Variants in ELOVL6 observed in about 807,000 individuals in gnomAD.
The protein encoded by ELOVL6 is very long chain fatty acid elongase 6.
A neutral mutation model predicts 31.7 loss-of-function variants in ELOVL6; 8 were observed. That is an observed-to-expected ratio of 0.25 (90% CI 0.15 to 0.45). The LOEUF (loss-of-function observed/expected upper bound fraction) is 0.45, where lower values mean the gene tolerates loss of function less well. Ranked by LOEUF, ELOVL6 falls within the 20% of genes least tolerant of loss-of-function variation. ELOVL6 has a pLI of 1.00. For synonymous variants in ELOVL6, 101 were observed against 117.7 expected, an observed-to-expected ratio of 0.86 and a Z score of 0.92; for missense variants, 126 against 326.4, an observed-to-expected ratio of 0.39 and a Z score of 4.73.
chr4:110,077,523 T>A (rs570365026), intron 2 of ELOVL6, among the ~76,000 whole-genome samples: 60 of 152,288 alleles, frequency 3.9e-4, no homozygotes, highest in African/African-American at 1.4e-3. Context: ...CCTGCAGCTG[T>A]GGGTCCTGAC....
chr4:110,073,402 T>G (rs1162427537), intron 2 of ELOVL6, among the ~76,000 whole-genome samples: 3 of 152,172 alleles, frequency 2.0e-5, no homozygotes, highest in African/African-American at 4.8e-5. Flanking sequence ...GGAAAAAGTC[T>G]GAAAGTGGGT....
At chr4:110,088,373 C>G (rs959607150) in intron 2 of ELOVL6, among the ~76,000 whole-genome samples, 2 of 152,202 alleles carry the variant, frequency 1.3e-5, no homozygotes, top group Non-Finnish European at 2.9e-5. Flanking sequence ...TTCCAAGACC[C>G]CTGGAGGATG....
chr4:110,170,898 G>A (rs1758922841), intron 1 of ELOVL6, among the ~76,000 whole-genome samples: 1 of 152,080 alleles, frequency 6.6e-6, no homozygotes, highest in Non-Finnish European at 1.5e-5. Context: ...CCCAGAAAAA[G>A]GCCTCAAAAA....
chr4:110,192,284 T>G (rs563927391), intron 1 of ELOVL6, among the ~76,000 whole-genome samples: 1 of 152,138 alleles, frequency 6.6e-6, no homozygotes, highest in Non-Finnish European at 1.5e-5. Context: ...ATGGAATAAG[T>G]TGACTTTGAA....
intron 1 of ELOVL6, among the ~76,000 whole-genome samples, chr4:110,174,792 C>T (rs1289568439): frequency 1.3e-5 from 2 of 152,064 alleles, no homozygotes; most frequent in African/African-American, 4.8e-5. Context: ...TTTACTTTTG[C>T]TTCAAAGTTG....
At chr4:110,114,860 T>C (rs1324333814) in intron 1 of ELOVL6, among the ~76,000 whole-genome samples, 2 of 152,168 alleles carry the variant, frequency 1.3e-5, no homozygotes, top group African/African-American at 4.8e-5. Flanking sequence ...TTCCTAGATT[T>C]AAATCAAAAC....
intron 2 of ELOVL6, among the ~76,000 whole-genome samples, chr4:110,090,594 G>A (rs2126239234): frequency 1.1e-5 from 1 of 92,144 alleles, no homozygotes; most frequent in South Asian, 3.1e-4. Flanking sequence ...AGGAAAGTTT[G>A]ACTTTCTTTT....
chr4:110,117,903 A>AAAAAATATATATAT, intron 1 of ELOVL6: 1 of 6,502 alleles, frequency 1.5e-4, no homozygotes, highest in African/African-American at 3.3e-4. Context: ...AAAAAAAAAA[A>AAAAAATATATATAT]ATATATATAT....
Position 110,103,649 on chromosome 4 carries a change from G to A in ELOVL6, c.221+1848C>T, listed in dbSNP as rs143107979. Among the ~76,000 whole-genome samples the A allele has an allele frequency of 7.8e-3, 1,188 of 152,236 alleles. 5 individuals carry two copies. The highest frequency in any genetic ancestry group is 0.013 in the Non-Finnish European group (875 of 68,010). ...ATCTAACTACAACTTATAAGAAATAGAAGGTACAGAAAAATGCAATCAAGC... is the reference window on the plus strand; with the variant it reads ...ATCTAACTACAACTTATAAGAAATAAAAGGTACAGAAAAATGCAATCAAGC... On this transcript the variant is annotated intron_variant, in intron 2 of 3. Transcript: ENST00000302274.
chr4:110,059,653 AC>A lies in ELOVL6; in HGVS notation c.322del (p.Val108SerfsTer11). Reference protein sequence around the residue: ...VCDQGFYNGPVSKFWAYAFVL... With the variant: ...VCDQGFYNGPXSKFWAYAFVL... ...AAATGCATAAGCCCAGAATTTGCTG[AC>A]AGGTCCATTGTAAAAACCCTGGTCA... On this transcript the variant is annotated frameshift_variant, in exon 3 of 4. Transcript: ENST00000302274. LOFTEE classifies it high-confidence loss of function. The A allele has an allele frequency of 6.2e-7, 1 of 1,614,176 alleles. No homozygotes were observed. Among genetic ancestry groups the A allele is most frequent in the Non-Finnish European group, 8.5e-7 (1 of 1,180,006 alleles).
At chr4:110,197,145 C>T (rs543085382) in intron 1 of ELOVL6, among the ~76,000 whole-genome samples, 6 of 152,182 alleles carry the variant, frequency 3.9e-5, no homozygotes, top group Non-Finnish European at 5.9e-5. Context: ...TGCGGCCCGA[C>T]CCTCCCCGGT....
chr4:110,094,421 ATATATATATATATATATATATAAT>A lies in ELOVL6; in HGVS notation c.221+11052_221+11075del, dbSNP rs1370093330. Among the ~76,000 whole-genome samples, 72 of 56,064 alleles carry A rather than the reference ATATATATATATATATATATATAAT, an allele frequency of 1.3e-3. 2 individuals carry two copies. The highest frequency in any genetic ancestry group is 7.3e-3 in the South Asian group (9 of 1,234). 36.8% of individuals were successfully genotyped at this position (56,064 alleles called of 152,430 possible). A position where few individuals can be genotyped will look rare whatever the true frequency, so the allele number is the denominator to read the frequency against. On this transcript the variant is annotated intron_variant, in intron 2 of 3. Transcript: ENST00000302274. ...TAAAAAGAAATATATATATATATAT[ATATATATATATATATATATATAAT>A]ATATATAACATAATATATATTACAT...
At chr4:110,171,967 T>G (rs947960258) in intron 1 of ELOVL6, among the ~76,000 whole-genome samples, 1 of 152,116 alleles carries the variant, frequency 6.6e-6, no homozygotes, top group African/African-American at 2.4e-5. Context: ...GAGATTTCAG[T>G]TGTGAGCTAC....
intron 1 of ELOVL6, among the ~76,000 whole-genome samples, chr4:110,137,686 C>A (rs545980412): frequency 2.0e-5 from 3 of 152,102 alleles, no homozygotes; most frequent in East Asian, 3.9e-4. Context: ...AATGATAGGA[C>A]CATAAATGTG....
In ELOVL6 at chr4:110,120,928, G is replaced by A. The variant is rs781301859; in HGVS notation, c.90-15300C>T. On this transcript the variant is annotated intron_variant, in intron 1 of 3. Coordinates refer to ENST00000302274, the MANE Select transcript of ELOVL6 (RefSeq NM_024090.3). ...CGATTCTCCTGGCTTAGCCTCCCAA[G>A]TAGCTGGGATTACAGGCGCCTGCCA... Among the ~76,000 whole-genome samples the A allele has an allele frequency of 7.0e-4, 106 of 150,924 alleles. No individual in the cohort carries two copies. In the Middle Eastern group the frequency reaches 0.014, roughly 20 times the overall value.
intron 1 of ELOVL6, among the ~76,000 whole-genome samples, chr4:110,192,251 A>C: frequency 6.6e-6 from 1 of 152,116 alleles, no homozygotes; most frequent in East Asian, 1.9e-4. Context: ...CTTTCAAGGA[A>C]GTATATAAGG....
intron 2 of ELOVL6, among the ~76,000 whole-genome samples, chr4:110,084,814 C>T (rs10023766): frequency 0.01 from 1,565 of 151,074 alleles, 28 homozygotes; most frequent in African/African-American, 0.035. Context: ...ACGCTGGTCT[C>T]GAACTCTTGA....
chr4:110,110,715 T>A lies in ELOVL6; in HGVS notation c.90-5087A>T, dbSNP rs1025411954. Among the ~76,000 whole-genome samples the A allele has an allele frequency of 2.6e-5, 4 of 152,132 alleles. No homozygotes were observed. In the East Asian group the frequency reaches 7.7e-4, roughly 29 times the overall value. On this transcript the variant is annotated intron_variant, in intron 1 of 3. Transcript: ENST00000302274. ...CTGGCCAGGAGGTTTTATTCGTAAG[T>A]AAATTAACCATATGCCCAGAAATTC... is the stretch of plus-strand genomic sequence containing the variant.
intron 2 of ELOVL6, chr4:110,093,055 C>A: frequency 2.3e-6 from 1 of 433,796 alleles, no homozygotes; most frequent in South Asian, 1.7e-5. Context: ...TATGGTATTC[C>A]AGCTATTTAA....
Sources: allele counts gnomAD v4.1 joint callset (sites outside exome capture counted in the v4.1 genomes callset), GRCh38; gene constraint gnomAD v4.1.1; transcripts MANE v1.5; gene names NCBI Gene and HGNC (gene_info 2026-07-23, HGNC 2026-07-21).